Variants in VPS13B observed in about 807,000 individuals in gnomAD.
The protein encoded by VPS13B is intermembrane lipid transfer protein VPS13B.
Under a neutral mutation model 426.4 loss-of-function variants are expected in VPS13B, and 285 were observed. The observed-to-expected ratio is 0.67, with a 90% CI of 0.61 to 0.74. The LOEUF is 0.74. Ranked by LOEUF, VPS13B falls within the 30% of genes least tolerant of loss-of-function variation. The probability of loss-of-function intolerance (pLI) is 0.00; values close to 1 mark genes in which losing one functional copy is unlikely to be tolerated. For missense variants in VPS13B, 4,537 were observed against 4,782.6 expected, an observed-to-expected ratio of 0.95 and a Z score of 1.51; for synonymous variants, 1,676 against 1,676.4, an observed-to-expected ratio of 1.00 and a Z score of 0.01.
At chr8:99,741,968 T>G (rs1809752891) in intron 39 of VPS13B, among the ~76,000 whole-genome samples, 1 of 151,934 alleles carries the variant, frequency 6.6e-6, no homozygotes, top group South Asian at 2.1e-4. Context: ...AAGAAATAAC[T>G]AAGATCAGAG....
intron 15 of VPS13B, among the ~76,000 whole-genome samples, chr8:99,161,720 G>A (rs975668159): frequency 4.0e-5 from 6 of 149,270 alleles, no homozygotes; most frequent in South Asian, 2.1e-4. Flanking sequence ...CTGGTGTTAA[G>A]TGTACTAAAT....
At chr8:99,202,083 G>A (rs1345182926) in intron 17 of VPS13B, among the ~76,000 whole-genome samples, 1 of 152,192 alleles carries the variant, frequency 6.6e-6, no homozygotes, top group African/African-American at 2.4e-5. Context: ...TATGGAAGTT[G>A]TTCTAGGATA....
intron 19 of VPS13B, among the ~76,000 whole-genome samples, chr8:99,304,585 C>T (rs1405669457): frequency 6.6e-6 from 1 of 152,076 alleles, no homozygotes; most frequent in African/African-American, 2.4e-5. Context: ...TTTTGATTAT[C>T]TGTGAACATT....
At chr8:99,540,060 TATA>T (rs1195636490) in intron 30 of VPS13B, among the ~76,000 whole-genome samples, 16 of 5,610 alleles carry the variant, frequency 2.9e-3, no homozygotes, top group Non-Finnish European at 4.0e-3. Flanking sequence ...TATATATATA[TATA>T]TTTTTTTTTT....
chr8:99,678,412 C>T (rs1343695672), intron 35 of VPS13B, among the ~76,000 whole-genome samples: 2 of 152,024 alleles, frequency 1.3e-5, no homozygotes, highest in African/African-American at 4.8e-5. Context: ...TCTTCTATGC[C>T]CTTACTAGAT....
At chr8:99,526,910 G>GCTT (rs1385816656) in intron 30 of VPS13B, among the ~76,000 whole-genome samples, 5 of 152,174 alleles carry the variant, frequency 3.3e-5, no homozygotes, top group Non-Finnish European at 1.5e-5. Flanking sequence ...TATCTTCTAG[G>GCTT]CTTCTGGGTG....
chr8:99,207,605 GT>G (rs1176247713), intron 17 of VPS13B, among the ~76,000 whole-genome samples: 197 of 152,268 alleles, frequency 1.3e-3, no homozygotes, highest in African/African-American at 4.4e-3. Context: ...TGAATTTAGT[GT>G]GATTTTTCAG....
At chr8:99,428,923 A>G (rs1373670170) in intron 21 of VPS13B, among the ~76,000 whole-genome samples, 2 of 152,206 alleles carry the variant, frequency 1.3e-5, no homozygotes, top group Non-Finnish European at 2.9e-5. Context: ...AATGTGGCAC[A>G]TATACACCAT....
intron 25 of VPS13B, among the ~76,000 whole-genome samples, chr8:99,494,157 C>T (rs980180358): frequency 3.9e-5 from 6 of 152,126 alleles, no homozygotes; most frequent in African/African-American, 1.4e-4. Context: ...ACAATATACA[C>T]AACATAAAAT....
intron 5 of VPS13B, among the ~76,000 whole-genome samples, chr8:99,108,206 G>A (rs1313485667): frequency 6.6e-6 from 1 of 152,140 alleles, no homozygotes; most frequent in Non-Finnish European, 1.5e-5. Flanking sequence ...TGTAGTATTC[G>A]ATGGTGGATA....
chr8:99,033,272 A>C (rs1409099212), intron 2 of VPS13B, among the ~76,000 whole-genome samples: 1 of 152,216 alleles, frequency 6.6e-6, no homozygotes, highest in Non-Finnish European at 1.5e-5. Context: ...GCATTATTGA[A>C]GGATAATTTT....
chr8:99,536,629 A>G (rs755589721), intron 30 of VPS13B: 6 of 534,198 alleles, frequency 1.1e-5, no homozygotes, highest in Non-Finnish European at 2.3e-5. Flanking sequence ...CTTTAACTGA[A>G]TTGACTGTCA....
rs187540835 is a variant in VPS13B, at chr8:99,140,200, A to G, written c.1652-2774A>G. ...GCCAACATGGTGAAACCCCTTCTCT[A>G]CTAAAAATACAAAAATTAGCCGGGG... On this transcript the variant is annotated intron_variant, in intron 12 of 61. Transcript: ENST00000357162. Among the ~76,000 whole-genome samples the G allele has an allele frequency of 8.9e-3, 1,360 of 151,978 alleles. 17 individuals are homozygous for G. The highest frequency in any genetic ancestry group is 0.07 in the South Asian group (335 of 4,810).
intron 16 of VPS13B, among the ~76,000 whole-genome samples, chr8:99,179,392 C>G (rs1812821374): frequency 6.6e-6 from 1 of 152,160 alleles, no homozygotes; most frequent in South Asian, 2.1e-4. Flanking sequence ...TTGATGCCCT[C>G]TATGGTCTGG....
intron 39 of VPS13B, among the ~76,000 whole-genome samples, chr8:99,751,606 AT>A (rs1008433886): frequency 4.3e-4 from 66 of 152,312 alleles, no homozygotes; most frequent in African/African-American, 1.5e-3. Flanking sequence ...TTTAATGAAT[AT>A]TTGATAAATA....
intron 35 of VPS13B, among the ~76,000 whole-genome samples, chr8:99,691,845 A>G (rs1332174625): frequency 2.1e-5 from 3 of 140,986 alleles, no homozygotes; most frequent in Non-Finnish European, 4.6e-5. Context: ...AGGATGGAGG[A>G]AGATCTACCA....
chr8:99,388,693 T>A (rs928502952), intron 20 of VPS13B, among the ~76,000 whole-genome samples: 1 of 152,230 alleles, frequency 6.6e-6, no homozygotes, highest in African/African-American at 2.4e-5. Context: ...TACTCCTTAT[T>A]TGGTATCACT....
intron 25 of VPS13B, among the ~76,000 whole-genome samples, chr8:99,497,648 T>A (rs1821000638): frequency 1.3e-5 from 2 of 152,048 alleles, no homozygotes; most frequent in Non-Finnish European, 2.9e-5. Context: ...TGAGAGATTG[T>A]TTGGCATCAA....
intron 56 of VPS13B, among the ~76,000 whole-genome samples, chr8:99,855,977 C>T (rs907098969): frequency 2.0e-5 from 3 of 152,176 alleles, no homozygotes; most frequent in African/African-American, 7.2e-5. Context: ...GAAGCAGGCA[C>T]GTAGGTTACT....
Sources: allele counts gnomAD v4.1 joint callset (sites outside exome capture counted in the v4.1 genomes callset), GRCh38; gene constraint gnomAD v4.1.1; transcripts MANE v1.5; gene names NCBI Gene and HGNC (gene_info 2026-07-23, HGNC 2026-07-21).